Variants in DIAPH2 observed in about 807,000 individuals in gnomAD.
The protein encoded by DIAPH2 is protein diaphanous homolog 2.
A neutral mutation model predicts 92.7 loss-of-function variants in DIAPH2; 35 were observed. The observed-to-expected ratio is 0.38, with a 90% confidence interval of 0.29 to 0.50. The LOEUF is 0.50. Among genes scored for constraint, DIAPH2 ranks in the 20% least tolerant of loss-of-function variants. The probability of loss-of-function intolerance (pLI) is 0.94; values close to 1 mark genes in which losing one functional copy is unlikely to be tolerated. For synonymous variants in DIAPH2, 301 were observed against 280.4 expected (o/e 1.07, Z -0.73); for missense variants, 701 against 819.5 (o/e 0.86, Z 1.77).
At chrX:96,751,656 T>G (rs1285501973) in intron 3 of DIAPH2, among the ~76,000 whole-genome samples, 1 of 73,191 alleles carries the variant, frequency 1.4e-5, no homozygotes, top group African/African-American at 4.6e-5. Flanking sequence ...TGTTTTGTTT[T>G]TTTTTTTTTT....
intron 4 of DIAPH2, among the ~76,000 whole-genome samples, chrX:96,814,911 T>C (rs978746766): frequency 9.0e-6 from 1 of 111,326 alleles, no homozygotes; most frequent in Non-Finnish European, 1.9e-5. Flanking sequence ...AGCTTTGTCC[T>C]GGAGGGTCAC....
At chrX:96,801,180 T>C (rs909865361) in intron 4 of DIAPH2, among the ~76,000 whole-genome samples, 2 of 112,545 alleles carry the variant, frequency 1.8e-5, no homozygotes, top group African/African-American at 6.4e-5. Context: ...ATCATTGTTT[T>C]GTTGCATATT....
intron 3 of DIAPH2, among the ~76,000 whole-genome samples, chrX:96,746,746 T>C (rs1173457140): frequency 2.7e-5 from 3 of 109,962 alleles, no homozygotes; most frequent in Non-Finnish European, 3.8e-5. Context: ...TGGGTCTTGC[T>C]ATTTTGCCCA....
intron 4 of DIAPH2, among the ~76,000 whole-genome samples, chrX:96,800,872 C>T (rs1408133658): frequency 8.9e-6 from 1 of 111,782 alleles, no homozygotes; most frequent in Non-Finnish European, 1.9e-5. Flanking sequence ...TTATTAGATT[C>T]AGTTAGAGAG....
chrX:97,120,872 A>T (rs1293235224), intron 21 of DIAPH2, among the ~76,000 whole-genome samples: 1 of 111,098 alleles, frequency 9.0e-6, no homozygotes, highest in Non-Finnish European at 1.9e-5. Flanking sequence ...TGTTAGAAGG[A>T]AAGTAAAATA....
At chrX:97,576,386 A>G (rs1286278420) in intron 26 of DIAPH2, among the ~76,000 whole-genome samples, 1 of 111,834 alleles carries the variant, frequency 8.9e-6, no homozygotes, top group East Asian at 2.8e-4. Context: ...CAAGCTCAAG[A>G]AATTTTGCTA....
intron 23 of DIAPH2, among the ~76,000 whole-genome samples, chrX:97,295,734 C>CTTT (rs35900263): frequency 1.0e-5 from 1 of 98,337 alleles, no homozygotes; most frequent in Non-Finnish European, 2.0e-5. Context: ...GTATTTTCTT[C>CTTT]TTTTTTTTTT....
At chrX:97,459,990 TAAAATGGTCCCTAGCAC>T (rs1162701696) in intron 26 of DIAPH2, among the ~76,000 whole-genome samples, 2 of 112,359 alleles carry the variant, frequency 1.8e-5, no homozygotes, top group East Asian at 2.8e-4. Flanking sequence ...TCTAAGCACC[TAAAATGGTCCCTAGCAC>T]AAAATGTTGC....
intron 21 of DIAPH2, among the ~76,000 whole-genome samples, chrX:97,118,794 G>A (rs1344334331): frequency 1.8e-5 from 2 of 112,158 alleles, no homozygotes; most frequent in Non-Finnish European, 3.8e-5. Flanking sequence ...GTAGGATTAA[G>A]AATCTATAAC....
chrX:96,716,697 C>T (rs1278128762), intron 1 of DIAPH2, among the ~76,000 whole-genome samples: 2 of 111,229 alleles, frequency 1.8e-5, no homozygotes, highest in East Asian at 5.6e-4. Context: ...GGAAGAGTTG[C>T]CGTAGAATTG....
At position 96,916,458 on chromosome X, in the gene DIAPH2, A is replaced by G. The variant is rs772247068; in HGVS notation, c.753A>G (p.Leu251=). The part of the protein sequence containing the change: ...MNNKFGLQRI[L]GDERSLLLLA... ...TTTAGTTTGGATTACAAAGGATTCT[A>G]GGAGATGAAAGAAGTCTTTTACTAT... The change falls in exon 8 of 27, where the codon CTA becomes CTG. Residue 251 remains leucine (L), a synonymous_variant. Transcript: ENST00000324765. The G allele has an allele frequency of 3.5e-6, 4 of 1,153,162 alleles. No homozygotes were observed. Among genetic ancestry groups the G allele is most frequent in the South Asian group, 2.0e-5 (1 of 50,116 alleles).
rs980330090 is a variant in DIAPH2 at position 97,532,998 on chromosome X, AT to A, written c.3242-66244del. ...GTTCCCAAAACTCATCTTTATTTCT[AT>A]TTTTTTTTTTACATTTTGCAATAAT... On this transcript the variant is annotated intron_variant, in intron 26 of 26. Coordinates refer to ENST00000324765, the MANE Select transcript of DIAPH2 (RefSeq NM_006729.5). Among the ~76,000 whole-genome samples, 429 of 104,327 alleles carry A rather than the reference AT, an allele frequency of 4.1e-3. 2 individuals carry two copies. The highest frequency in any genetic ancestry group is 0.012 in the African/African-American group (341 of 28,932). 90.6% of individuals were successfully genotyped at this position (104,327 alleles called of 115,157 possible). A position where few individuals can be genotyped will look rare whatever the true frequency, so the allele number is the denominator to read the frequency against.
chrX:97,458,048 G>A (rs750823905), intron 26 of DIAPH2, among the ~76,000 whole-genome samples: 1 of 111,542 alleles, frequency 9.0e-6, no homozygotes, highest in East Asian at 2.8e-4. Context: ...AAAGCAAAGA[G>A]GAAACCACAG....
At chrX:97,373,566 A>G (rs889471070) in intron 24 of DIAPH2, among the ~76,000 whole-genome samples, 16 of 105,002 alleles carry the variant, frequency 1.5e-4, no homozygotes, top group Non-Finnish European at 2.1e-4. Context: ...GGCTTCACTC[A>G]TAAGACAGAC....
At chrX:97,195,653 T>A (rs1336272795) in intron 22 of DIAPH2, among the ~76,000 whole-genome samples, 5 of 70,802 alleles carry the variant, frequency 7.1e-5, no homozygotes, top group African/African-American at 2.2e-4. Context: ...AGAGCAAGAC[T>A]CCGTCTCAAA....
chrX:97,343,685 A>G (rs968752420), intron 23 of DIAPH2, among the ~76,000 whole-genome samples: 11 of 50,732 alleles, frequency 2.2e-4, no homozygotes, highest in African/African-American at 6.0e-4. Context: ...ACAAAACAAA[A>G]GAAAGCAAAG....
At chrX:97,027,976 A>AT (rs1353078476) in intron 17 of DIAPH2, among the ~76,000 whole-genome samples, 2 of 112,471 alleles carry the variant, frequency 1.8e-5, no homozygotes. Flanking sequence ...GCAATTTTTA[A>AT]TTTAAAAAGC....
At chrX:97,025,475 C>T (rs2066326700) in intron 17 of DIAPH2, among the ~76,000 whole-genome samples, 1 of 109,388 alleles carries the variant, frequency 9.1e-6, no homozygotes, top group South Asian at 4.0e-4. Flanking sequence ...CACGGTGAAA[C>T]CCCGTATCTA....
chrX:97,057,829 G>A (rs933130108), intron 17 of DIAPH2, among the ~76,000 whole-genome samples: 12 of 111,416 alleles, frequency 1.1e-4, no homozygotes, highest in Non-Finnish European at 1.9e-4. Flanking sequence ...ATGTTTCTTT[G>A]TTGGAAATGT....
Sources: gnomAD v4.1 joint callset for allele counts (sites outside exome capture counted in the v4.1 genomes callset) on GRCh38, gnomAD v4.1.1 for gene constraint, MANE v1.5 for transcripts, NCBI Gene and HGNC (gene_info 2026-07-23, HGNC 2026-07-21) for gene names.